GRIA4: variants seen among roughly 807,000 people sequenced by gnomAD.
The protein encoded by GRIA4 is glutamate ionotropic receptor AMPA type subunit 4.
A neutral mutation model predicts 104.0 loss-of-function variants in GRIA4; 34 were observed. That is an observed-to-expected ratio of 0.33 (90% CI 0.25 to 0.44). GRIA4 has a LOEUF of 0.44. Among genes scored for constraint, GRIA4 ranks in the 20% least tolerant of loss-of-function variants. GRIA4 has a pLI of 1.00. For missense variants in GRIA4, 750 were observed against 1,096.5 expected (o/e 0.68, Z 4.46); for synonymous variants, 386 against 381.9 (o/e 1.01, Z -0.13).
Position 105,887,566 on chromosome 11 carries a change from A to G in GRIA4, c.720A>G (p.Ala240=). 7.2e-7 allele frequency: 1 copy of G among 1,396,154 alleles called. No homozygotes were observed. Among genetic ancestry groups the G allele is most frequent in the East Asian group, 2.3e-5 (1 of 42,718 alleles). The allele number at this position is 1,396,154 out of a possible 1,614,324, so 86.5% of individuals were successfully genotyped here. Reference sequence around the variant, plus strand: ...TTAAAGGCTACCATTATATCATTGCAAACTTGGTAAGAACTTCTTATTTTC... The same window carrying G: ...TTAAAGGCTACCATTATATCATTGCGAACTTGGTAAGAACTTCTTATTTTC... The part of the protein sequence containing the change: ...KHVKGYHYII[A]NLGFKDISLE... The change falls in exon 6 of 17, where the codon GCA becomes GCG. Residue 240 remains alanine (A), a synonymous_variant. Coordinates refer to ENST00000282499, the MANE Select transcript of GRIA4 (RefSeq NM_000829.4).
At chr11:105,669,137 G>A (rs766043929) in intron 3 of GRIA4, among the ~76,000 whole-genome samples, 7 of 151,772 alleles carry the variant, frequency 4.6e-5, no homozygotes, top group Admixed American at 2.6e-4. Flanking sequence ...TTTCTACCAC[G>A]ACTGTCTCAA....
At chr11:105,919,588 G>A (rs796673787) in intron 11 of GRIA4, among the ~76,000 whole-genome samples, 3 of 152,246 alleles carry the variant, frequency 2.0e-5, no homozygotes, top group African/African-American at 7.2e-5. Context: ...CTGATATTGA[G>A]TGTACACATT....
intron 3 of GRIA4, among the ~76,000 whole-genome samples, chr11:105,655,840 A>G (rs1021524467): frequency 6.6e-6 from 1 of 152,150 alleles, no homozygotes; most frequent in African/African-American, 2.4e-5. Context: ...TCCTTTGAGT[A>G]TATACTCAGT....
chr11:105,918,894 G>C lies in GRIA4; in HGVS notation c.1452G>C (p.Gly484=). Reference sequence around the variant, plus strand: ...ATGCAGACACAAAAATCTGGAATGGGATGGTAGGAGAACTTGTTTATGGGG... The same window carrying C: ...ATGCAGACACAAAAATCTGGAATGGCATGGTAGGAGAACTTGTTTATGGGG... ...ARDADTKIWN[G]MVGELVYGKA... is the part of the protein sequence containing the mutation. Residue 484 remains glycine, a synonymous_variant, in exon 11 of 17, where the codon GGG becomes GGC. Coordinates refer to ENST00000282499, the MANE Select transcript of GRIA4 (RefSeq NM_000829.4). The C allele has an allele frequency of 6.2e-7, 1 of 1,607,130 alleles. No homozygotes were observed. The highest frequency in any genetic ancestry group is 8.5e-7 in the Non-Finnish European group (1 of 1,173,912).
At chr11:105,811,703 A>G (rs147482741) in intron 4 of GRIA4, among the ~76,000 whole-genome samples, 1 of 152,348 alleles carries the variant, frequency 6.6e-6, no homozygotes, top group Non-Finnish European at 1.5e-5. Flanking sequence ...TGCATGGGAC[A>G]TATTAAAAAA....
At chr11:105,746,761 T>C (rs1939684426) in intron 3 of GRIA4, among the ~76,000 whole-genome samples, 1 of 152,012 alleles carries the variant, frequency 6.6e-6, no homozygotes. Flanking sequence ...GGAAATTATA[T>C]AAAATATCAA....
chr11:105,898,165 T>C (rs1946722647), intron 6 of GRIA4, 104 bp from the exon 7 acceptor site: 1 of 491,432 alleles, frequency 2.0e-6, no homozygotes, highest in Admixed American at 3.6e-5. Context: ...CATTGCTTTA[T>C]TAAAAATCTT....
chr11:105,626,290 CT>C (rs1240614238), intron 3 of GRIA4, among the ~76,000 whole-genome samples: 1 of 151,922 alleles, frequency 6.6e-6, no homozygotes, highest in Admixed American at 6.6e-5. Context: ...CACATACACC[CT>C]GCATTCAGAT....
chr11:105,868,444 C>A (rs1422826141), intron 5 of GRIA4, among the ~76,000 whole-genome samples: 1 of 152,126 alleles, frequency 6.6e-6, no homozygotes, highest in Non-Finnish European at 1.5e-5. Flanking sequence ...AGGGCGGAGT[C>A]TATGTTTATT....
At chr11:105,656,579 A>C (rs184153870) in intron 3 of GRIA4, among the ~76,000 whole-genome samples, 6 of 152,276 alleles carry the variant, frequency 3.9e-5, no homozygotes. Context: ...CAACAGAGAG[A>C]ACAGGCAACC....
intron 3 of GRIA4, among the ~76,000 whole-genome samples, chr11:105,738,720 T>C (rs1939113583): frequency 6.6e-6 from 1 of 151,982 alleles, no homozygotes; most frequent in African/African-American, 2.4e-5. Context: ...CTTGAAAAAG[T>C]GTTTCTCTGG....
intron 4 of GRIA4, among the ~76,000 whole-genome samples, chr11:105,830,066 A>G (rs1292207486): frequency 6.6e-6 from 1 of 152,012 alleles, no homozygotes; most frequent in Non-Finnish European, 1.5e-5. Context: ...TTGATTCTCT[A>G]TTGCCTGCTG....
chr11:105,963,468 A>G (rs1001921460), intron 14 of GRIA4, among the ~76,000 whole-genome samples: 19 of 152,234 alleles, frequency 1.2e-4, no homozygotes, highest in East Asian at 1.2e-3. Context: ...TACTATCTCC[A>G]GATATTGATT....
At chr11:105,729,517 C>T (rs531037949) in intron 3 of GRIA4, among the ~76,000 whole-genome samples, 81 of 152,258 alleles carry the variant, frequency 5.3e-4, no homozygotes, top group African/African-American at 1.8e-3. Context: ...ATGAGGTCAA[C>T]ATCATCCAGA....
At chr11:105,667,243 TC>T (rs1340529498) in intron 3 of GRIA4, among the ~76,000 whole-genome samples, 1 of 152,014 alleles carries the variant, frequency 6.6e-6, no homozygotes, top group East Asian at 1.9e-4. Context: ...TTTAATCTCC[TC>T]TGGATTTAAT....
At chr11:105,949,303 A>G (rs1395250796) in intron 14 of GRIA4, among the ~76,000 whole-genome samples, 1 of 152,186 alleles carries the variant, frequency 6.6e-6, no homozygotes, top group Non-Finnish European at 1.5e-5. Context: ...TAGTTGCCTT[A>G]GTTGAAGGAT....
At chr11:105,751,179 T>C (rs932836944) in intron 3 of GRIA4, among the ~76,000 whole-genome samples, 4 of 152,136 alleles carry the variant, frequency 2.6e-5, no homozygotes, top group African/African-American at 9.7e-5. Context: ...TAGAGTGAAA[T>C]ACAAATTAAT....
chr11:105,691,987 A>G (rs1249073130), intron 3 of GRIA4, among the ~76,000 whole-genome samples: 1 of 151,464 alleles, frequency 6.6e-6, no homozygotes, highest in African/African-American at 2.4e-5. Flanking sequence ...TCTATATTGT[A>G]AAACTATGCA....
intron 14 of GRIA4, among the ~76,000 whole-genome samples, chr11:105,950,522 C>T (rs1391502002): frequency 7.0e-6 from 1 of 143,122 alleles, no homozygotes; most frequent in African/African-American, 2.7e-5. Flanking sequence ...AAGATTAGAA[C>T]TTAAATCAAT....
Sources: gnomAD v4.1 joint callset for allele counts (sites outside exome capture counted in the v4.1 genomes callset) on GRCh38, gnomAD v4.1.1 for gene constraint, MANE v1.5 for transcripts, NCBI Gene and HGNC (gene_info 2026-07-23, HGNC 2026-07-21) for gene names.